The following FABP1 variants were observed in gnomAD, a reference collection of about 807,000 sequenced individuals.
FABP1 encodes the protein fatty acid-binding protein, liver.
In FABP1, 13 loss-of-function variants were observed where a neutral mutation model predicts 13.7. The ratio of observed to expected loss-of-function variants is 0.95; its 90% CI spans 0.62 to 1.51. The LOEUF is 1.51. FABP1 is among the 40% of genes most tolerant of loss of function. The pLI, the probability that FABP1 is intolerant of heterozygous loss-of-function variation, is 0.00. For synonymous variants in FABP1, 48 were observed against 59.8 expected (o/e 0.80, Z 0.91); for missense variants, 140 against 155.7 (o/e 0.90, Z 0.54).
At chr2:88,124,706 A>G (rs916867184) in intron 2 of FABP1, 120 bp from the exon 3 acceptor site, 6 of 665,346 alleles carry the variant, frequency 9.0e-6, no homozygotes, top group Middle Eastern at 2.8e-4. Context: ...TCTGGTTCCT[A>G]TGATCCCAAG....
intron 1 of FABP1, 121 bp from the exon 2 acceptor site, chr2:88,126,469 G>A: frequency 4.8e-6 from 5 of 1,031,782 alleles, no homozygotes; most frequent in Non-Finnish European, 7.2e-6. Context: ...TCTCCCAAGG[G>A]GCCACAGAAA....
chr2:88,124,525 A>T lies in FABP1; in HGVS notation c.302T>A (p.Val101Glu), dbSNP rs764928674. The change falls in exon 3 of 4, where the codon GTG becomes GAG. Residue 101 changes from valine to glutamate, a missense_variant. Transcript: ENST00000295834. ...GATTATGTCGCCGTTGAGTTCGGTC[A>T]CAGACTTGATGTTTTTGAAAGTTGT... is the stretch of plus-strand genomic sequence containing the variant. The part of the protein sequence containing the change: ...LVTTFKNIKS[V>E]TELNGDIITN... 3 of 1,609,314 alleles carry T rather than the reference A, an allele frequency of 1.9e-6. No homozygotes were observed. Among genetic ancestry groups the T allele is most frequent in the Non-Finnish European group, 1.7e-6 (2 of 1,178,044 alleles).
At chr2:88,127,876 C>A (rs1316548559) in intron 1 of FABP1, 75 bp downstream of exon 1, 17 of 1,461,784 alleles carry the variant, frequency 1.2e-5, no homozygotes, top group Non-Finnish European at 1.5e-5. Context: ...CATTTGGACC[C>A]TAAATAGCCA....
chr2:88,123,403 C>G (rs1283628589), intron 3 of FABP1: 1 of 386,310 alleles, frequency 2.6e-6, no homozygotes. Flanking sequence ...CCAGCCCAAT[C>G]TAATTTCTCA....
At chr2:88,126,449 G>A (rs1675299948) in intron 1 of FABP1, 101 bp from the exon 2 acceptor site, 1 of 1,229,368 alleles carries the variant, frequency 8.1e-7, no homozygotes, top group Non-Finnish European at 1.2e-6. Context: ...GGACAGAGAA[G>A]GGCACTGTGT....
chr2:88,124,949 T>C (rs1201813991), intron 2 of FABP1, among the ~76,000 whole-genome samples: 1 of 150,378 alleles, frequency 6.6e-6, no homozygotes, highest in Non-Finnish European at 1.5e-5. Flanking sequence ...AGAGAATACA[T>C]ATTTTGCTTT....
intron 3 of FABP1, 108 bp downstream of exon 3, chr2:88,124,386 T>C: frequency 1.4e-6 from 1 of 721,992 alleles, no homozygotes; most frequent in Non-Finnish European, 2.3e-6. Flanking sequence ...AGTTTGGGGG[T>C]TGGAGGGTGG....
rs761822872 is a variant in FABP1 at position 88,124,505 on chromosome 2, T to C, written c.322A>G (p.Ile108Val). 1.9e-6 allele frequency: 3 copies of C among 1,607,062 alleles called. No individual in the cohort carries two copies. Among genetic ancestry groups the C allele is most frequent in the Admixed American group, 3.4e-5 (2 of 58,838 alleles). Residue 108 changes from isoleucine to valine, a missense_variant, in exon 3 of 4, where the codon ATA (isoleucine) becomes GTA (valine). Coordinates refer to ENST00000295834, the MANE Select transcript of FABP1 (RefSeq NM_001443.3). ...CACCACCAACTTACATTGGTGATTA[T>C]GTCGCCGTTGAGTTCGGTCACAGAC... Reference protein sequence around the residue: ...IKSVTELNGDIITNTMTLGDI... With the variant: ...IKSVTELNGDVITNTMTLGDI...
In FABP1 at chr2:88,124,395, G is replaced by A. The variant is rs191071685; in HGVS notation, c.333+99C>T. On this transcript the variant is annotated intron_variant, in intron 3 of 3. Transcript: ENST00000295834. ...GAAAGAAGTTTGGGGGTTGGAGGGTGGAGGGGTGGCATTAGGGTATGTGAG... is the reference window on the plus strand; with the variant it reads ...GAAAGAAGTTTGGGGGTTGGAGGGTAGAGGGGTGGCATTAGGGTATGTGAG... 73 of 788,860 alleles carry A rather than the reference G, an allele frequency of 9.3e-5. No individual in the cohort carries two copies. The African/African-American group carries it at 1.2e-3, about 13-fold the overall frequency. The allele number at this position is 788,860 out of a possible 1,614,324, so 48.9% of individuals were successfully genotyped here.
intron 1 of FABP1, 71 bp from the exon 2 acceptor site, chr2:88,126,419 A>C: frequency 6.7e-7 from 1 of 1,492,954 alleles, no homozygotes; most frequent in Non-Finnish European, 9.3e-7. Flanking sequence ...GGTAGGTGAG[A>C]GAAACGACAT....
At chr2:88,125,353 C>A (rs1033984204) in intron 2 of FABP1, among the ~76,000 whole-genome samples, 2 of 152,118 alleles carry the variant, frequency 1.3e-5, no homozygotes, top group African/African-American at 4.8e-5. Flanking sequence ...ATTGGAGAGG[C>A]AGAAATAAAG....
chr2:88,124,903 G>C (rs1045493617), intron 2 of FABP1, among the ~76,000 whole-genome samples: 20 of 151,922 alleles, frequency 1.3e-4, no homozygotes, highest in Non-Finnish European at 2.9e-5. Context: ...CAAGCTAATG[G>C]AGGGAGGTAG....
At chr2:88,126,582 AC>A (rs1375274084) in intron 1 of FABP1, 32 of 462,682 alleles carry the variant, frequency 6.9e-5, no homozygotes, top group Non-Finnish European at 1.1e-4. Context: ...TATAAAAAGG[AC>A]ACTCTTCTGG....
chr2:88,124,413 T>A (rs770621643), intron 3 of FABP1, 81 bp downstream of exon 3: 1 of 1,009,992 alleles, frequency 9.9e-7, no homozygotes, highest in Admixed American at 2.1e-5. Flanking sequence ...GGCATTAGGG[T>A]ATGTGAGCCG....
rs147524977 is a variant in FABP1 at position 88,125,477 on chromosome 2, G to A, written c.240+699C>T. Among the ~76,000 whole-genome samples the A allele has an allele frequency of 2.6e-4, 40 of 152,216 alleles. No homozygotes were observed. In the East Asian group the frequency reaches 6.6e-3, roughly 25 times the overall value. Reference sequence around the variant, plus strand: ...GAGTGTTTCAGAGGGAGGAGGAGACGGGCACCCCCATTGCCAGGATCCCCC... The same window carrying A: ...GAGTGTTTCAGAGGGAGGAGGAGACAGGCACCCCCATTGCCAGGATCCCCC... On this transcript the variant is annotated intron_variant, in intron 2 of 3. Coordinates refer to ENST00000295834, the MANE Select transcript of FABP1 (RefSeq NM_001443.3).
intron 2 of FABP1, among the ~76,000 whole-genome samples, 159 bp from the exon 3 acceptor site, chr2:88,124,745 T>C (rs1675265926): frequency 6.6e-6 from 1 of 152,104 alleles, no homozygotes; most frequent in Non-Finnish European, 1.5e-5. Flanking sequence ...CAAATAGAAG[T>C]GAGGTGCATT....
chr2:88,123,259 G>A (rs769780753), intron 3 of FABP1, 155 bp from the exon 4 acceptor site: 22 of 615,288 alleles, frequency 3.6e-5, no homozygotes, highest in Admixed American at 6.5e-5. Flanking sequence ...CTGTAGGACC[G>A]GAGGAAAGGT....
intron 1 of FABP1, among the ~76,000 whole-genome samples, chr2:88,127,479 T>C (rs1231424762): frequency 2.0e-5 from 3 of 152,212 alleles, no homozygotes; most frequent in Admixed American, 6.5e-5. Flanking sequence ...GCATATCCCA[T>C]GGTCAGCACA....
chr2:88,127,577 C>A (rs1358927297), intron 1 of FABP1, among the ~76,000 whole-genome samples: 1 of 152,146 alleles, frequency 6.6e-6, no homozygotes, highest in Non-Finnish European at 1.5e-5. Context: ...TAAGAAAATG[C>A]CTTATTGCCT....
Sources: gnomAD v4.1 joint callset for allele counts (sites outside exome capture counted in the v4.1 genomes callset) on GRCh38, gnomAD v4.1.1 for gene constraint, MANE v1.5 for transcripts, NCBI Gene and HGNC (gene_info 2026-07-23, HGNC 2026-07-21) for gene names.